Variants in RPS6KA2 observed in about 807,000 individuals in gnomAD.
The protein encoded by RPS6KA2 is ribosomal protein S6 kinase alpha-2.
A neutral mutation model predicts 91.8 loss-of-function variants in RPS6KA2; 42 were observed. That is an observed-to-expected ratio of 0.46 (90% CI 0.36 to 0.59). The LOEUF is 0.59. Among genes scored for constraint, RPS6KA2 ranks in the 20% least tolerant of loss-of-function variants. The probability of loss-of-function intolerance (pLI) is 0.00; values close to 1 mark genes in which losing one functional copy is unlikely to be tolerated. For missense variants in RPS6KA2, 798 were observed against 978.5 expected, an observed-to-expected ratio of 0.82 and a Z score of 2.46; for synonymous variants, 414 against 393.6, an observed-to-expected ratio of 1.05 and a Z score of -0.61.
chr6:166,830,511 T>A (rs1370271686), intron 2 of RPS6KA2, among the ~76,000 whole-genome samples: 1 of 152,230 alleles, frequency 6.6e-6, no homozygotes, highest in Non-Finnish European at 1.5e-5. Context: ...ATGGTACATT[T>A]TATATTTTTA....
intron 5 of RPS6KA2, among the ~76,000 whole-genome samples, chr6:166,507,844 CCA>C (rs939339074): frequency 1.3e-5 from 2 of 150,178 alleles, no homozygotes; most frequent in Admixed American, 1.3e-4. Context: ...ACTCACATTC[CCA>C]CACACCATGC....
At chr6:166,582,630 T>C (rs1340069133) in intron 1 of RPS6KA2, among the ~76,000 whole-genome samples, 1 of 152,200 alleles carries the variant, frequency 6.6e-6, no homozygotes, top group African/African-American at 2.4e-5. Context: ...TTTTGGAAAA[T>C]GAAATGGCAT....
chr6:166,616,819 T>C (rs1213535895), intron 1 of RPS6KA2, among the ~76,000 whole-genome samples: 2 of 152,150 alleles, frequency 1.3e-5, no homozygotes, highest in African/African-American at 2.4e-5. Context: ...GTGGTGCCCA[T>C]GGGGGGCTGC....
At chr6:166,784,814 T>C (rs1233708684) in intron 2 of RPS6KA2, among the ~76,000 whole-genome samples, 1 of 152,180 alleles carries the variant, frequency 6.6e-6, no homozygotes, top group African/African-American at 2.4e-5. Flanking sequence ...CCATGTCTCA[T>C]CCAGGACAGA....
Position 166,494,350 on chromosome 6 carries a change from T to C in RPS6KA2, c.748-3609A>G, listed in dbSNP as rs1201431399. Among the ~76,000 whole-genome samples the C allele has an allele frequency of 6.6e-6, 1 of 152,162 alleles. No individual in the cohort carries two copies. The highest frequency in any genetic ancestry group is 1.5e-5 in the Non-Finnish European group (1 of 68,026). On this transcript the variant is annotated intron_variant, in intron 8 of 20. Coordinates refer to ENST00000265678, the MANE Select transcript of RPS6KA2 (RefSeq NM_021135.6). This position sits in a 1 kb window ranked among gnomAD's most constrained non-coding sequence, Gnocchi z 5.1. ...GCCGTTCCTCACAACCGTCTACAGA[T>C]GAATGGTCCAGTGGCAAGCAGCAGA...
intron 2 of RPS6KA2, among the ~76,000 whole-genome samples, chr6:166,734,390 C>T (rs1790614539): frequency 6.6e-6 from 1 of 152,178 alleles, no homozygotes; most frequent in African/African-American, 2.4e-5. Context: ...CCTACCCAAA[C>T]GGAAGAGCAA....
At chr6:166,529,271 G>C (rs1454170907) in intron 3 of RPS6KA2, among the ~76,000 whole-genome samples, 1 of 152,208 alleles carries the variant, frequency 6.6e-6, no homozygotes, top group Non-Finnish European at 1.5e-5. Flanking sequence ...ATGGTTTGTA[G>C]GGACATGGAT....
At chr6:166,632,269 C>T (rs973225759) in intron 2 of RPS6KA2, among the ~76,000 whole-genome samples, 1 of 152,128 alleles carries the variant, frequency 6.6e-6, no homozygotes, top group African/African-American at 2.4e-5. Context: ...ATTGTGGGAA[C>T]CCTTACATGA....
At chr6:166,745,016 G>T (rs1583069417) in intron 2 of RPS6KA2, among the ~76,000 whole-genome samples, 1 of 152,170 alleles carries the variant, frequency 6.6e-6, no homozygotes, top group African/African-American at 2.4e-5. Flanking sequence ...CGGTTCTGGA[G>T]GCTGGAAGTA....
chr6:166,782,229 T>G (rs1238890572), intron 2 of RPS6KA2, among the ~76,000 whole-genome samples: 1 of 151,886 alleles, frequency 6.6e-6, no homozygotes, highest in Non-Finnish European at 1.5e-5. Flanking sequence ...GAGGAGGAGG[T>G]TGCAGTGAGC....
rs887098711 is a variant in RPS6KA2, at chr6:166,500,103, G to A, written c.604+784C>T. Among the ~76,000 whole-genome samples, 3 of 152,200 alleles carry A rather than the reference G, an allele frequency of 2.0e-5. No homozygotes were observed. The highest frequency in any genetic ancestry group is 2.1e-4 in the South Asian group (1 of 4,830). Reference sequence around the variant, plus strand: ...GGGACGCAGCCCAGCCAAGGACTGCGGGCAGCTTCTACTAGCTGGAAGAAG... The same window carrying A: ...GGGACGCAGCCCAGCCAAGGACTGCAGGCAGCTTCTACTAGCTGGAAGAAG... On this transcript the variant is annotated intron_variant, in intron 7 of 20. Transcript: ENST00000265678. This position sits in a 1 kb window ranked among gnomAD's most constrained non-coding sequence, Gnocchi z 4.3.
intron 2 of RPS6KA2, among the ~76,000 whole-genome samples, chr6:166,698,733 G>T (rs1196515352): frequency 6.6e-6 from 1 of 152,236 alleles, no homozygotes; most frequent in Non-Finnish European, 1.5e-5. Flanking sequence ...TGGCAGGAAG[G>T]GCTGGTGGAT....
At position 166,439,350 on chromosome 6, in the gene RPS6KA2, C is replaced by A. The variant is rs187595107; in HGVS notation, c.1333-6860G>T. Among the ~76,000 whole-genome samples the A allele has an allele frequency of 3.0e-4, 46 of 152,346 alleles. No individual in the cohort carries two copies. The East Asian group carries it at 8.7e-3, about 29-fold the overall frequency. On this transcript the variant is annotated intron_variant, in intron 14 of 20. Transcript: ENST00000265678. ...CTCGAACTCCTGACCTCAGGTGATC[C>A]AACTGCCTTGGCCTTTCAATGTGCT...
chr6:166,541,138 G>A (rs1281846466), intron 1 of RPS6KA2, among the ~76,000 whole-genome samples: 3 of 152,086 alleles, frequency 2.0e-5, no homozygotes, highest in Non-Finnish European at 4.4e-5. Flanking sequence ...TTAATGCGAC[G>A]CCCACACTAT....
chr6:166,762,544 C>T (rs1018926863), intron 2 of RPS6KA2, among the ~76,000 whole-genome samples: 5 of 152,184 alleles, frequency 3.3e-5, no homozygotes, highest in African/African-American at 1.2e-4. Context: ...CCTTACGCAG[C>T]TGATCTCGAA....
In RPS6KA2 at chr6:166,487,458, T is replaced by C. The variant is rs562530289; in HGVS notation, c.907+1375A>G. 1.5e-4 allele frequency among the ~76,000 whole-genome samples: 23 copies of C among 152,158 alleles called. No individual in the cohort carries two copies. The East Asian group carries it at 4.4e-3, about 29-fold the overall frequency. On this transcript the variant is annotated intron_variant, in intron 10 of 20. Coordinates refer to ENST00000265678, the MANE Select transcript of RPS6KA2 (RefSeq NM_021135.6). ...AAGGAGGAATTGCTTTACTGTGTTG[T>C]GTGGAAGAATGAAAACAGGCTGAGT...
chr6:166,630,911 T>C (rs563498190), upstream of RPS6KA2, among the ~76,000 whole-genome samples: 21 of 152,312 alleles, frequency 1.4e-4, no homozygotes, highest in African/African-American at 3.4e-4. Flanking sequence ...TAAACTGTAG[T>C]GGACAGTTCA....
At chr6:166,679,594 C>T (rs1303744867) in intron 2 of RPS6KA2, among the ~76,000 whole-genome samples, 4 of 152,330 alleles carry the variant, frequency 2.6e-5, no homozygotes, top group African/African-American at 7.2e-5. Flanking sequence ...GAGGTAACAA[C>T]GTGCTAGCAG....
At chr6:166,565,958 ATCTTCGTGGACAACTGCCATGTGGTTCT>A (rs1784486957) in intron 1 of RPS6KA2, among the ~76,000 whole-genome samples, 1 of 152,230 alleles carries the variant, frequency 6.6e-6, no homozygotes, top group Non-Finnish European at 1.5e-5. Context: ...GCATCTTCCC[ATCTTCGTGGACAACTGCCATGTGGTTCT>A]GATAACCACT....
Sources: gnomAD v4.1 joint callset for allele counts (sites outside exome capture counted in the v4.1 genomes callset) on GRCh38, gnomAD v4.1.1 for gene constraint, Gnocchi (gnomAD v3.1) non-coding constraint, MANE v1.5 for transcripts, NCBI Gene and HGNC (gene_info 2026-07-23, HGNC 2026-07-21) for gene names.